Variants in WLS observed in about 807,000 individuals in gnomAD.
WLS encodes protein wntless homolog.
WLS carries 23 observed loss-of-function variants against 62.8 expected under a neutral mutation model. That is an observed-to-expected ratio of 0.37 (90% confidence interval 0.26 to 0.52). The LOEUF (loss-of-function observed/expected upper bound fraction) is 0.52. Ranked by LOEUF, WLS falls within the 20% of genes least tolerant of loss-of-function variation. WLS has a pLI of 0.92. For synonymous variants in WLS, 246 were observed against 244.1 expected (o/e 1.01, Z -0.07); for missense variants, 615 against 697.3 (o/e 0.88, Z 1.33).
chr1:68,230,607 G>GTT (rs1384504188), intron 1 of WLS, among the ~76,000 whole-genome samples: 2 of 151,990 alleles, frequency 1.3e-5, no homozygotes, highest in African/African-American at 4.8e-5. Flanking sequence ...GTGTGTGTGT[G>GTT]TGTGTGTTGA....
At chr1:68,131,112 C>T (rs1478756619) in intron 11 of WLS, among the ~76,000 whole-genome samples, 3 of 146,840 alleles carry the variant, frequency 2.0e-5, no homozygotes, top group Non-Finnish European at 3.0e-5. Context: ...AGGGTTTCAC[C>T]GCATTAGCCA....
intron 1 of WLS, among the ~76,000 whole-genome samples, chr1:68,214,116 G>A (rs1056555133): frequency 2.6e-5 from 4 of 151,858 alleles, no homozygotes; most frequent in Non-Finnish European, 4.4e-5. Flanking sequence ...CCAGCAGCCT[G>A]GCCAAGTTCC....
At chr1:68,163,212 TATAAATCTGTAC>T in intron 2 of WLS, 4 of 630,946 alleles carry the variant, frequency 6.3e-6, no homozygotes, top group East Asian at 2.7e-5. Flanking sequence ...CTGTACACAC[TATAAATCTGTAC>T]ACTATAAATC....
intron 2 of WLS, among the ~76,000 whole-genome samples, chr1:68,180,828 T>G (rs1016528733): frequency 6.6e-6 from 1 of 152,132 alleles, no homozygotes; most frequent in Non-Finnish European, 1.5e-5. Flanking sequence ...ACAAGAGAGA[T>G]AGATTCACTA....
At chr1:68,119,984 A>C (rs2271) in intron 11 of WLS, among the ~76,000 whole-genome samples, 7,170 of 152,274 alleles carry the variant, frequency 0.047, 187 homozygotes, top group Middle Eastern at 0.12. Context: ...GGGATCTTAG[A>C]GCCTCAGAAG....
rs1411281581 is a variant in WLS, at chr1:68,155,229, C to A, written c.536G>T (p.Cys179Phe). ...AATTTCCATGAAAGGAAGGACATCA[C>A]ATTCATAGTAACGGCCCTCATGCTC... ...TPEHEGRYYE[C>F]DVLPFMEIGS... Residue 179 changes from cysteine to phenylalanine, a missense_variant, in exon 4 of 12, where the codon TGT (cysteine) becomes TTT (phenylalanine). Coordinates refer to ENST00000262348, the MANE Select transcript of WLS (RefSeq NM_024911.7). 1 of 1,613,670 alleles carries A rather than the reference C, an allele frequency of 6.2e-7. No individual in the cohort carries two copies. The highest frequency in any genetic ancestry group is 1.7e-5 in the Admixed American group (1 of 59,962).
At chr1:68,226,610 C>G (rs1160270595) in intron 1 of WLS, among the ~76,000 whole-genome samples, 1 of 151,968 alleles carries the variant, frequency 6.6e-6, no homozygotes, top group African/African-American at 2.4e-5. Context: ...AAACTACATC[C>G]TAGGAAATCT....
intron 1 of WLS, among the ~76,000 whole-genome samples, chr1:68,196,538 T>C (rs1383242043): frequency 6.6e-6 from 1 of 152,138 alleles, no homozygotes; most frequent in African/African-American, 2.4e-5. Flanking sequence ...AAAATGTGTA[T>C]TATTAATATT....
intron 1 of WLS, among the ~76,000 whole-genome samples, chr1:68,215,205 C>T (rs906212502): frequency 6.6e-6 from 1 of 152,172 alleles, no homozygotes; most frequent in Non-Finnish European, 1.5e-5. Flanking sequence ...CAAAAAACAC[C>T]AATCATCCTC....
At chr1:68,208,961 A>G (rs182055048) in intron 1 of WLS, among the ~76,000 whole-genome samples, 1 of 152,226 alleles carries the variant, frequency 6.6e-6, no homozygotes, top group African/African-American at 2.4e-5. Context: ...TCCTCTTATT[A>G]TTCTTGGCTG....
At position 68,232,459 on chromosome 1, in the gene WLS, G is replaced by T. The variant is rs1650475106; in HGVS notation, c.-160C>A. The T allele has an allele frequency of 7.3e-7, 1 of 1,368,634 alleles. No individual in the cohort carries two copies. The highest frequency in any genetic ancestry group is 9.5e-7 in the Non-Finnish European group (1 of 1,055,458). 84.8% of individuals were successfully genotyped at this position (1,368,634 alleles called of 1,614,324 possible). A position where few individuals can be genotyped will look rare whatever the true frequency, so the allele number is the denominator to read the frequency against. On this transcript the variant is annotated 5_prime_UTR_variant, in exon 1 of 12. Transcript: ENST00000262348. Reference sequence around the variant, plus strand: ...GGCGAGGATGGGACCGGGACGGAAGGCGCCCGCACGGATTCCCCCGGCGCA... The same window carrying T: ...GGCGAGGATGGGACCGGGACGGAAGTCGCCCGCACGGATTCCCCCGGCGCA...
At chr1:68,161,201 T>C (rs1172997170) in intron 2 of WLS, among the ~76,000 whole-genome samples, 2 of 152,188 alleles carry the variant, frequency 1.3e-5, no homozygotes, top group Non-Finnish European at 2.9e-5. Flanking sequence ...AGTTCAGATG[T>C]GAGAGATGCT....
At chr1:68,192,832 C>T (rs1165850425) in intron 2 of WLS, among the ~76,000 whole-genome samples, 1 of 148,188 alleles carries the variant, frequency 6.7e-6, no homozygotes, top group East Asian at 2.0e-4. Context: ...CAGTGGCTCA[C>T]ACCTGTAATC....
intron 11 of WLS, among the ~76,000 whole-genome samples, chr1:68,114,150 G>A (rs12726865): frequency 0.3 from 45,140 of 152,074 alleles, 8,070 homozygotes; most frequent in Middle Eastern, 0.4. Context: ...TGGCAGTTTT[G>A]CTGAGGAACA....
chr1:68,204,480 T>C (rs950850767), intron 1 of WLS, among the ~76,000 whole-genome samples: 13 of 152,116 alleles, frequency 8.5e-5, no homozygotes, highest in Non-Finnish European at 1.0e-4. Context: ...GCTAATTTTT[T>C]GTATTTTTAG....
At chr1:68,147,683 A>G (rs1416064292) in intron 8 of WLS, among the ~76,000 whole-genome samples, 1 of 152,192 alleles carries the variant, frequency 6.6e-6, no homozygotes, top group Non-Finnish European at 1.5e-5. Context: ...CCTTATCTCC[A>G]CTTGGTCTCA....
At chr1:68,204,330 T>G (rs1649181597) in intron 1 of WLS, among the ~76,000 whole-genome samples, 1 of 152,128 alleles carries the variant, frequency 6.6e-6, no homozygotes, top group Non-Finnish European at 1.5e-5. Context: ...ATTATTAATT[T>G]TTTTTTTTAG....
At chr1:68,128,982 A>G (rs1414100556) in intron 11 of WLS, among the ~76,000 whole-genome samples, 3 of 150,368 alleles carry the variant, frequency 2.0e-5, no homozygotes, top group Admixed American at 6.6e-5. Flanking sequence ...GCAGCCAGTG[A>G]GACTGCCAGT....
At chr1:68,145,283 T>C (rs1356581119) in intron 9 of WLS, among the ~76,000 whole-genome samples, 1 of 152,230 alleles carries the variant, frequency 6.6e-6, no homozygotes, top group Non-Finnish European at 1.5e-5. Context: ...GGACAGCCAC[T>C]TAGGCATGAA....
Sources: gnomAD v4.1 joint callset for allele counts (sites outside exome capture counted in the v4.1 genomes callset) on GRCh38, gnomAD v4.1.1 for gene constraint, MANE v1.5 for transcripts, NCBI Gene and HGNC (gene_info 2026-07-23, HGNC 2026-07-21) for gene names.